The following ABHD1 variants were observed in gnomAD, a reference collection of about 807,000 sequenced individuals.
The protein encoded by ABHD1 is abhydrolase domain containing 1.
ABHD1 carries 47 observed loss-of-function variants against 41.4 expected under a neutral mutation model. The ratio of observed to expected loss-of-function variants is 1.13; its 90% CI spans 0.90 to 1.45. The LOEUF (loss-of-function observed/expected upper bound fraction) is 1.45, where lower values mean the gene tolerates loss of function less well. ABHD1 is among the 40% of genes most tolerant of loss of function. The pLI is 0.00. For synonymous variants in ABHD1, 205 were observed against 203.7 expected, an observed-to-expected ratio of 1.01 and a Z score of -0.05; for missense variants, 550 against 503.4, an observed-to-expected ratio of 1.09 and a Z score of -0.89.
rs148150273 is a variant in ABHD1 at position 27,124,502 on chromosome 2, A to G, written c.114+440A>G. On this transcript the variant is annotated intron_variant, in intron 1 of 8. Transcript: ENST00000316470. ...CTTCCCTTAAGGGCTGGCTGAGGTC[A>G]GAACTGGCCTAGCTCAGAACTGATG... The G allele has an allele frequency of 1.7e-3, 614 of 354,676 alleles. 1 individual carries two copies. Among genetic ancestry groups the G allele is most frequent in the African/African-American group, 0.012 (555 of 46,784 alleles). The allele number at this position is 354,676 out of a possible 1,614,324, so 22.0% of individuals were successfully genotyped here.
At chr2:27,127,154 G>T (rs181801551) in intron 1 of ABHD1, among the ~76,000 whole-genome samples, 1 of 150,112 alleles carries the variant, frequency 6.7e-6, no homozygotes, top group South Asian at 2.1e-4. Context: ...TTAGAGAATA[G>T]GAATATACAG....
At chr2:27,127,850 G>A (rs904834187) in intron 1 of ABHD1, among the ~76,000 whole-genome samples, 21 of 152,058 alleles carry the variant, frequency 1.4e-4, no homozygotes, top group African/African-American at 5.1e-4. Context: ...ATGAGCGACT[G>A]CGCCCGGCCG....
intron 6 of ABHD1, 26 bp downstream of exon 6, chr2:27,129,953 G>A (rs367800329): frequency 4.7e-5 from 76 of 1,613,576 alleles, no homozygotes; most frequent in South Asian, 2.5e-4. Context: ...GTGGGAGGAG[G>A]CAGTAGACAG....
At chr2:27,128,849 T>C (rs1672088617) in intron 2 of ABHD1, 96 bp from the exon 3 acceptor site, 2 of 1,408,206 alleles carry the variant, frequency 1.4e-6, no homozygotes, top group East Asian at 2.3e-5. Context: ...TGACGGGAAG[T>C]GATAAGACTT....
chr2:27,127,197 G>A (rs981761451), intron 1 of ABHD1, among the ~76,000 whole-genome samples: 1 of 148,480 alleles, frequency 6.7e-6, no homozygotes, highest in Admixed American at 6.7e-5. Flanking sequence ...AGCCAGAGTG[G>A]CCAGAGTCAG....
chr2:27,128,419 G>A, intron 1 of ABHD1, 22 bp from the exon 2 acceptor site: 3 of 1,613,398 alleles, frequency 1.9e-6, no homozygotes, highest in African/African-American at 2.7e-5. Context: ...GGGAAGTGGG[G>A]CAGACTGCTG....
intron 1 of ABHD1, 68 bp downstream of exon 1, chr2:27,124,130 G>C (rs772120708): frequency 1.4e-6 from 2 of 1,454,428 alleles, no homozygotes; most frequent in South Asian, 2.3e-5. Context: ...ACACGGGCTT[G>C]GGCCCTTGGT....
rs145692896 is a variant in ABHD1 at position 27,130,645 on chromosome 2, G to A, written c.1119G>A (p.Met373Ile). 1,126 of 1,614,218 alleles carry A rather than the reference G, an allele frequency of 7.0e-4. 6 individuals carry two copies. The highest frequency in any genetic ancestry group is 2.6e-3 in the Admixed American group (156 of 60,032). The stretch of plus-strand genomic sequence containing the variant: ...TGCTCCCGTGGCAGCACTGGTACAT[G>A]AGCCGCCTCTTGCATCAGTACGCCA... The part of the protein sequence containing the change: ...EGLLPWQHWY[M>I]SRLLHQYAKA... The change falls in exon 9 of 9, where the codon ATG becomes ATA. Residue 373 changes from methionine to isoleucine, a missense_variant. Transcript: ENST00000316470.
chr2:27,124,692 CTCT>C (rs940343942), intron 1 of ABHD1: 10 of 187,842 alleles, frequency 5.3e-5, no homozygotes, highest in Non-Finnish European at 9.1e-5. Flanking sequence ...AAAGCCAAAT[CTCT>C]TCATCTTCAT....
At chr2:27,129,391 T>A in intron 4 of ABHD1, 30 bp downstream of exon 4, 1 of 1,613,864 alleles carries the variant, frequency 6.2e-7, no homozygotes, top group Non-Finnish European at 8.5e-7. Flanking sequence ...ATAGCAGCCC[T>A]TCACCCACTC....
chr2:27,130,434 G>C lies in ABHD1; in HGVS notation c.1006+18G>C, dbSNP rs1672188252. On this transcript the variant is annotated intron_variant, in intron 8 of 8. Coordinates refer to ENST00000316470, the MANE Select transcript of ABHD1 (RefSeq NM_032604.4). ...CGTCTGTGGTGAGTACTCTGATTCA[G>C]GACACTTTGGCCCCAAGGAAAATGG... 1 of 1,613,798 alleles carries C rather than the reference G, an allele frequency of 6.2e-7. No homozygotes were observed. Among genetic ancestry groups the C allele is most frequent in the African/African-American group, 1.3e-5 (1 of 74,916 alleles).
At position 27,130,426 on chromosome 2, in the gene ABHD1, C is replaced by CT; in HGVS notation, c.1006+11dup. The CT allele has an allele frequency of 6.2e-7, 1 of 1,614,142 alleles. No homozygotes were observed. Among genetic ancestry groups the CT allele is most frequent in the Non-Finnish European group, 8.5e-7 (1 of 1,179,994 alleles). ...TTCTCCCCCGTCTGTGGTGAGTACT[C>CT]TGATTCAGGACACTTTGGCCCCAAG... is the stretch of plus-strand genomic sequence containing the variant. On this transcript the variant is annotated intron_variant, in intron 8 of 8. Coordinates refer to ENST00000316470, the MANE Select transcript of ABHD1 (RefSeq NM_032604.4).
intron 2 of ABHD1, 59 bp downstream of exon 2, chr2:27,128,660 C>A: frequency 6.3e-7 from 1 of 1,594,350 alleles, no homozygotes; most frequent in Non-Finnish European, 8.6e-7. Context: ...AAAAACCTAT[C>A]TACCACTTTT....
At position 27,123,905 on chromosome 2, in the gene ABHD1, TG is replaced by T. The variant is rs1671843520; in HGVS notation, c.-40del. On this transcript the variant is annotated 5_prime_UTR_variant, in exon 1 of 9. It removes the in-frame stop codon of an upstream open reading frame in the 5' UTR. Transcript: ENST00000316470. ...GGACCGCGAGTTACAGCCGGCCAACTGGGGCCAGCCAGGAGCCTGAGGGTCG... is the reference window on the plus strand; with the variant it reads ...GGACCGCGAGTTACAGCCGGCCAACTGGGCCAGCCAGGAGCCTGAGGGTCG... 5 of 1,572,434 alleles carry T rather than the reference TG, an allele frequency of 3.2e-6. No homozygotes were observed. Among genetic ancestry groups the T allele is most frequent in the Non-Finnish European group, 4.4e-6 (5 of 1,145,326 alleles).
At chr2:27,124,357 G>A (rs901084358) in intron 1 of ABHD1, 7 of 468,884 alleles carry the variant, frequency 1.5e-5, no homozygotes, top group Middle Eastern at 6.1e-4. Flanking sequence ...CACACTTTGC[G>A]TTCCTTTTTA....
rs375202801 is a variant in ABHD1 at position 27,123,973 on chromosome 2, C to A, written c.25C>A (p.Gln9Lys). 40 of 1,614,142 alleles carry A rather than the reference C, an allele frequency of 2.5e-5. No homozygotes were observed. The African/African-American group carries it at 5.1e-4, about 20-fold the overall frequency. The stretch of plus-strand genomic sequence containing the variant: ...GATGCTGAGCTCCTTCCTGAGCCCC[C>A]AGAATGGCACCTGGGCAGACACCTT... MLSSFLSP[Q>K]NGTWADTFSL... The change falls in exon 1 of 9, where the codon CAG (glutamine) becomes AAG (lysine). Residue 9 changes from glutamine to lysine, a missense_variant. By Grantham distance (53) the Gln-to-Lys change is moderately conservative. Transcript: ENST00000316470.
chr2:27,129,879 T>G lies in ABHD1; in HGVS notation c.743T>G (p.Leu248Arg). Residue 248 changes from leucine (L) to arginine (R), a missense_variant, in exon 6 of 9, where the codon CTG becomes CGG. Coordinates refer to ENST00000316470, the MANE Select transcript of ABHD1 (RefSeq NM_032604.4). ...TRSLETPLNS[L>R]LFNQPLTAGL... ...TCCCTGGAAACCCCACTCAACTCAC[T>G]GCTCTTCAATCAGCCCCTCACTGCT... 6.2e-7 allele frequency: 1 copy of G among 1,614,052 alleles called. No homozygotes were observed. Among genetic ancestry groups the G allele is most frequent in the Non-Finnish European group, 8.5e-7 (1 of 1,180,022 alleles).
In ABHD1 at chr2:27,123,957, C is replaced by A; in HGVS notation, c.9C>A (p.Ser3Arg). ...GAAGCCCCCAACACAAGATGCTGAG[C>A]TCCTTCCTGAGCCCCCAGAATGGCA... is the stretch of plus-strand genomic sequence containing the variant. ML[S>R]SFLSPQNGTW... The change falls in exon 1 of 9, where the codon AGC (serine) becomes AGA (arginine). Residue 3 changes from serine to arginine, a missense_variant. Ser to Arg is a moderately radical substitution (Grantham distance 110, BLOSUM62 -1). Coordinates refer to ENST00000316470, the MANE Select transcript of ABHD1 (RefSeq NM_032604.4). 1 of 1,614,134 alleles carries A rather than the reference C, an allele frequency of 6.2e-7. No individual in the cohort carries two copies. Among genetic ancestry groups the A allele is most frequent in the Non-Finnish European group, 8.5e-7 (1 of 1,179,942 alleles).
Position 27,130,801 on chromosome 2 carries a change from T to C in ABHD1, c.*57T>C. The C allele has an allele frequency of 1.3e-6, 2 of 1,569,494 alleles. No individual in the cohort carries two copies. Among genetic ancestry groups the C allele is most frequent in the Non-Finnish European group, 1.8e-6 (2 of 1,142,804 alleles). ...TTTCCTTGTTTATTAAATATCAACT[T>C]TTCCTGCCTAATGGGCTGAGGTTCA... is the stretch of plus-strand genomic sequence containing the variant. On this transcript the variant is annotated 3_prime_UTR_variant, in exon 9 of 9. Transcript: ENST00000316470.
Sources: gnomAD v4.1 joint callset for allele counts (sites outside exome capture counted in the v4.1 genomes callset) on GRCh38, gnomAD v4.1.1 for gene constraint, MANE v1.5 for transcripts, NCBI Gene and HGNC (gene_info 2026-07-23, HGNC 2026-07-21) for gene names.